The following TVP23A variants were observed in gnomAD, a reference collection of about 807,000 sequenced individuals.
TVP23A encodes the protein Golgi apparatus membrane protein TVP23 homolog A.
In TVP23A, 21 loss-of-function variants were observed where a neutral mutation model predicts 31.7. The ratio of observed to expected loss-of-function variants is 0.66; its 90% CI spans 0.47 to 0.95. The LOEUF (loss-of-function observed/expected upper bound fraction) is 0.95. TVP23A is among the 40% of genes least tolerant of loss of function. TVP23A has a pLI of 0.00. For missense variants in TVP23A, 279 were observed against 255.6 expected (o/e 1.09, Z -0.62); for synonymous variants, 104 against 96.0 (o/e 1.08, Z -0.49).
At chr16:10,794,146 C>T (rs2033259223) in intron 2 of TVP23A, among the ~76,000 whole-genome samples, 1 of 152,148 alleles carries the variant, frequency 6.6e-6, no homozygotes, top group Non-Finnish European at 1.5e-5. Context: ...ATGAAACCCA[C>T]TCATGAGGCA....
At chr16:10,784,865 C>T (rs2032650965) in intron 2 of TVP23A, among the ~76,000 whole-genome samples, 1 of 152,110 alleles carries the variant, frequency 6.6e-6, no homozygotes, top group Non-Finnish European at 1.5e-5. Context: ...CTTTGGGAGG[C>T]CGAGACAAGT....
chr16:10,795,399 CACT>C (rs1468850913), intron 2 of TVP23A, among the ~76,000 whole-genome samples: 1 of 151,918 alleles, frequency 6.6e-6, no homozygotes, highest in Non-Finnish European at 1.5e-5. Flanking sequence ...TACAGGCGTG[CACT>C]ACCACGCCTG....
rs1044209145 is a variant in TVP23A, at chr16:10,766,998, C to A, written c.*2104G>T. ...CCCACCAACCCCTCCCCACAGGCTT[C>A]TTCCCCGACTTGGACTTCCCTGTCC... On this transcript the variant is annotated 3_prime_UTR_variant, in exon 8 of 8. Transcript: ENST00000299866. This position sits in a 1 kb window ranked among gnomAD's most constrained non-coding sequence, Gnocchi z 4.8. 2.5e-6 allele frequency: 1 copy of A among 398,778 alleles called. No individual in the cohort carries two copies. Among genetic ancestry groups the A allele is most frequent in the Non-Finnish European group, 4.4e-6 (1 of 226,168 alleles). The allele number at this position is 398,778 out of a possible 1,614,324, so 24.7% of individuals were successfully genotyped here. A position where few individuals can be genotyped will look rare whatever the true frequency, so the allele number is the denominator to read the frequency against.
chr16:10,758,420 C>T (rs148203816), downstream of TVP23A, among the ~76,000 whole-genome samples: 37 of 152,332 alleles, frequency 2.4e-4, no homozygotes, highest in African/African-American at 7.9e-4. Context: ...TTGCAGTGAG[C>T]CATGATCACG....
intron 2 of TVP23A, among the ~76,000 whole-genome samples, chr16:10,789,556 T>C (rs1326756915): frequency 6.6e-6 from 1 of 150,410 alleles, no homozygotes; most frequent in Non-Finnish European, 1.5e-5. Flanking sequence ...GGGCTGGGTG[T>C]GGTGATTCAC....
intron 2 of TVP23A, among the ~76,000 whole-genome samples, chr16:10,798,247 G>A (rs373956669): frequency 3.8e-4 from 58 of 151,840 alleles, no homozygotes; most frequent in African/African-American, 1.2e-3. Context: ...GTGTGCGCCC[G>A]CGCCCGGCCT....
downstream of TVP23A, chr16:10,761,919 C>T (rs75206545): frequency 0.026 from 34,549 of 1,351,528 alleles, 614 homozygotes; most frequent in Non-Finnish European, 0.032. Flanking sequence ...AGGCACGGGT[C>T]GGGCACAACA....
chr16:10,762,738 G>T (rs1284428642), downstream of TVP23A, among the ~76,000 whole-genome samples: 4 of 152,034 alleles, frequency 2.6e-5, no homozygotes, highest in Non-Finnish European at 5.9e-5. Flanking sequence ...CCAGTGTGAG[G>T]TGTCTGTGCC....
intron 2 of TVP23A, among the ~76,000 whole-genome samples, chr16:10,803,232 C>T (rs965872630): frequency 3.9e-5 from 5 of 127,276 alleles, no homozygotes; most frequent in Non-Finnish European, 7.9e-5. Context: ...TGCAGTGAGC[C>T]GAGATCGCGC....
intron 6 of TVP23A, 97 bp downstream of exon 6, chr16:10,771,573 C>A (rs1329317640): frequency 1.4e-6 from 2 of 1,451,764 alleles, no homozygotes; most frequent in Admixed American, 3.9e-5. Flanking sequence ...GGCAGCCTGG[C>A]GGATATGTTA....
At chr16:10,813,358 C>T (rs967722762) in intron 2 of TVP23A, among the ~76,000 whole-genome samples, 1 of 152,182 alleles carries the variant, frequency 6.6e-6, no homozygotes, top group African/African-American at 2.4e-5. Flanking sequence ...ACAGCATCAC[C>T]TCCTTTCGAT....
At chr16:10,783,526 T>C (rs919349212) in intron 2 of TVP23A, among the ~76,000 whole-genome samples, 1 of 151,750 alleles carries the variant, frequency 6.6e-6, no homozygotes, top group African/African-American at 2.4e-5. Context: ...AAATACAAAA[T>C]TTAGCCGGGC....
intron 2 of TVP23A, among the ~76,000 whole-genome samples, chr16:10,786,432 T>C (rs1198499335): frequency 6.7e-6 from 1 of 149,552 alleles, no homozygotes; most frequent in African/African-American, 2.5e-5. Context: ...AGGGAGAACT[T>C]GTCAAAAAAA....
chr16:10,800,327 C>T (rs755163427), intron 2 of TVP23A: 7 of 152,152 alleles, frequency 4.6e-5, no homozygotes, highest in Admixed American at 2.0e-4. Context: ...TTGGGAACTT[C>T]AGTTTCCTCA....
At chr16:10,799,895 G>A (rs750748216) in intron 2 of TVP23A, among the ~76,000 whole-genome samples, 1 of 152,028 alleles carries the variant, frequency 6.6e-6, no homozygotes, top group Non-Finnish European at 1.5e-5. Flanking sequence ...CTTTCCAGAA[G>A]TCTGGAGCAG....
chr16:10,774,024 C>T lies in TVP23A; in HGVS notation c.324+15G>A, dbSNP rs753454173. 37 of 1,600,386 alleles carry T rather than the reference C, an allele frequency of 2.3e-5. No homozygotes were observed. The highest frequency in any genetic ancestry group is 2.9e-5 in the Non-Finnish European group (34 of 1,171,200). On this transcript the variant is annotated intron_variant, in intron 4 of 7. Coordinates refer to ENST00000299866, the MANE Select transcript of TVP23A (RefSeq NM_001079512.4). ...TATCCCCGCTCTGGTTAGTTCAGCT[C>T]GTCATGGAGAATACCTTCCTGGCTT...
At chr16:10,805,996 GATA>G (rs1170063453) in intron 2 of TVP23A, among the ~76,000 whole-genome samples, 1 of 152,204 alleles carries the variant, frequency 6.6e-6, no homozygotes, top group African/African-American at 2.4e-5. Context: ...ACACAGGACA[GATA>G]ATGACCTGGC....
At chr16:10,803,837 G>A (rs1291576925) in intron 2 of TVP23A, among the ~76,000 whole-genome samples, 1 of 152,142 alleles carries the variant, frequency 6.6e-6, no homozygotes, top group Non-Finnish European at 1.5e-5. Context: ...TGTAGATTAG[G>A]ATCTACAGGA....
intron 2 of TVP23A, among the ~76,000 whole-genome samples, chr16:10,797,955 C>CTTTTTTTTT (rs1162130562): frequency 4.1e-5 from 5 of 122,936 alleles, no homozygotes; most frequent in African/African-American, 6.3e-5. Context: ...TTTTCTTTTT[C>CTTTTTTTTT]TTTTTTTTTT....
Sources: allele counts gnomAD v4.1 joint callset (sites outside exome capture counted in the v4.1 genomes callset), GRCh38; gene constraint gnomAD v4.1.1; non-coding constraint Gnocchi (gnomAD v3.1); transcripts MANE v1.5; gene names NCBI Gene and HGNC (gene_info 2026-07-23, HGNC 2026-07-21).